The following SYN2 variants were observed in gnomAD, a reference collection of about 807,000 sequenced individuals.
The protein encoded by SYN2 is synapsin II, also known as synapsin-2.
SYN2 carries 19 observed loss-of-function variants against 50.9 expected under a neutral mutation model. That is an observed-to-expected ratio of 0.37 (90% CI 0.26 to 0.55). The LOEUF is 0.55. SYN2 is among the 20% of genes least tolerant of loss of function. SYN2 has a pLI of 0.81. For synonymous variants in SYN2, 255 were observed against 224.9 expected (o/e 1.13, Z -1.20); for missense variants, 587 against 576.4 (o/e 1.02, Z -0.19).
intron 1 of SYN2, among the ~76,000 whole-genome samples, chr3:12,020,404 T>G: frequency 7.0e-6 from 1 of 142,172 alleles, no homozygotes; most frequent in Admixed American, 7.2e-5. Flanking sequence ...CCAGCTGTAG[T>G]GATATGGAAG....
intron 1 of SYN2, among the ~76,000 whole-genome samples, chr3:12,052,165 G>A (rs1350481428): frequency 2.0e-5 from 3 of 152,206 alleles, no homozygotes; most frequent in Non-Finnish European, 4.4e-5. Flanking sequence ...CATGCTAGGC[G>A]TTGTGCTAGA....
intron 1 of SYN2, among the ~76,000 whole-genome samples, chr3:12,075,605 T>A (rs555129558): frequency 2.9e-4 from 44 of 152,226 alleles, no homozygotes; most frequent in Non-Finnish European, 5.3e-4. Flanking sequence ...TTTCTTTAAA[T>A]TAGAAAATTA....
intron 1 of SYN2, among the ~76,000 whole-genome samples, chr3:12,138,731 T>C (rs1459659093): frequency 6.6e-6 from 1 of 152,226 alleles, no homozygotes; most frequent in Non-Finnish European, 1.5e-5. Context: ...TTAATGTCTC[T>C]GAGATTTACC....
intron 1 of SYN2, among the ~76,000 whole-genome samples, chr3:12,110,264 C>T (rs948921224): frequency 1.2e-4 from 18 of 152,294 alleles, no homozygotes; most frequent in African/African-American, 3.4e-4. Context: ...GTCTCACATC[C>T]GGATCACATG....
At chr3:12,108,663 G>A (rs1157087700) in intron 1 of SYN2, among the ~76,000 whole-genome samples, 1 of 152,040 alleles carries the variant, frequency 6.6e-6, no homozygotes, top group Non-Finnish European at 1.5e-5. Context: ...ACCCTCAGGA[G>A]TACAGCTGTT....
chr3:12,154,229 C>G (rs1213346747), intron 5 of SYN2: 3 of 1,549,102 alleles, frequency 1.9e-6, no homozygotes, highest in Non-Finnish European at 2.6e-6. Flanking sequence ...CAGTGCAGAT[C>G]TCAAGTATAG....
intron 3 of SYN2, among the ~76,000 whole-genome samples, chr3:12,143,222 T>C (rs1697067480): frequency 6.6e-6 from 1 of 152,150 alleles, no homozygotes; most frequent in Admixed American, 6.5e-5. Context: ...ATACAGCTGG[T>C]GCCAGCTTCC....
rs774987678 is a variant in SYN2, at chr3:12,187,498, G to T, written c.1499G>T (p.Arg500Leu). 132 of 1,552,930 alleles carry T rather than the reference G, an allele frequency of 8.5e-5. No homozygotes were observed. In the Admixed American group the frequency reaches 2.5e-3, roughly 29 times the overall value. The change falls in exon 12 of 13, where the codon CGG (arginine) becomes CTG (leucine). Residue 500 changes from arginine (R) to leucine (L), a missense_variant. Arg to Leu is a moderately radical substitution (Grantham distance 102). Coordinates refer to ENST00000621198, the MANE Select transcript of SYN2 (RefSeq NM_133625.6). ...TCTTCCTCCTCCTCGGCTCCTCAGC[G>T]GCCGGGCGGCCCCACCACCCACGGA... ...SSSSSSSAPQRPGGPTTHGDA... is the reference protein window; with the variant it reads ...SSSSSSSAPQLPGGPTTHGDA...
intron 1 of SYN2, among the ~76,000 whole-genome samples, chr3:12,037,927 G>GT (rs1160404533): frequency 3.3e-5 from 5 of 152,174 alleles, no homozygotes; most frequent in South Asian, 2.1e-4. Flanking sequence ...CAATTTTTCT[G>GT]TTTTTTCTTT....
intron 11 of SYN2, 123 bp from the exon 12 acceptor site, chr3:12,187,246 A>G (rs1464283067): frequency 7.4e-7 from 1 of 1,356,056 alleles, no homozygotes; most frequent in African/African-American, 1.5e-5. Flanking sequence ...CAGAGACTCC[A>G]GCTTCTTGGA....
At chr3:12,107,295 G>C (rs981981322) in intron 1 of SYN2, among the ~76,000 whole-genome samples, 2 of 152,162 alleles carry the variant, frequency 1.3e-5, no homozygotes, top group African/African-American at 4.8e-5. Flanking sequence ...CTTTGGAATT[G>C]AAAGTCTGTT....
At chr3:12,043,216 G>A (rs1574905645) in intron 1 of SYN2, among the ~76,000 whole-genome samples, 2 of 152,004 alleles carry the variant, frequency 1.3e-5, no homozygotes, top group Non-Finnish European at 2.9e-5. Flanking sequence ...TAGAGATGGA[G>A]TCTCACTGTG....
chr3:12,125,162 G>T (rs1315823449), intron 1 of SYN2, among the ~76,000 whole-genome samples: 4 of 151,998 alleles, frequency 2.6e-5, no homozygotes, highest in Non-Finnish European at 4.4e-5. Context: ...TTACAGGCGT[G>T]TGCCACCATG....
intron 3 of SYN2, among the ~76,000 whole-genome samples, chr3:12,144,850 C>T (rs531128742): frequency 1.3e-5 from 2 of 151,980 alleles, no homozygotes; most frequent in East Asian, 3.9e-4. Context: ...GCGAACATGG[C>T]AAAACCCCAT....
chr3:12,153,712 T>C, intron 5 of SYN2: 2 of 1,614,186 alleles, frequency 1.2e-6, no homozygotes, highest in Non-Finnish European at 1.7e-6. Context: ...CAGGTGGTGA[T>C]CTAGAGTCAT....
At chr3:12,070,619 C>A in intron 1 of SYN2, 9 of 1,378,478 alleles carry the variant, frequency 6.5e-6, no homozygotes, top group African/African-American at 1.5e-5. Flanking sequence ...AGACCTTCAA[C>A]ACCCTGTCCA....
intron 7 of SYN2, 142 bp downstream of exon 7, chr3:12,162,296 G>T: frequency 3.0e-6 from 3 of 998,284 alleles, no homozygotes; most frequent in Admixed American, 5.8e-5. Flanking sequence ...GTCAGAGGAG[G>T]GGTCTGTGGA....
At chr3:12,021,107 T>G (rs1461260240) in intron 1 of SYN2, among the ~76,000 whole-genome samples, 1 of 152,206 alleles carries the variant, frequency 6.6e-6, no homozygotes, top group Admixed American at 6.5e-5. Flanking sequence ...AAAAATTGTA[T>G]TTTTTCATGG....
intron 1 of SYN2, among the ~76,000 whole-genome samples, chr3:12,069,040 C>G (rs1695282188): frequency 6.6e-6 from 1 of 152,170 alleles, no homozygotes; most frequent in African/African-American, 2.4e-5. Flanking sequence ...CTGTCATTGG[C>G]TTTTTTCACT....
Sources: allele counts gnomAD v4.1 joint callset (sites outside exome capture counted in the v4.1 genomes callset), GRCh38; gene constraint gnomAD v4.1.1; transcripts MANE v1.5; gene names NCBI Gene and HGNC (gene_info 2026-07-23, HGNC 2026-07-21).